ZNF804B: variants seen among roughly 807,000 people sequenced by gnomAD.
ZNF804B encodes zinc finger protein 804B.
Under a neutral mutation model 101.4 loss-of-function variants are expected in ZNF804B, and 80 were observed. That is an observed-to-expected ratio of 0.79 (90% CI 0.66 to 0.95). ZNF804B has a LOEUF of 0.95. ZNF804B is among the 40% of genes least tolerant of loss of function. The pLI is 0.00. For synonymous variants in ZNF804B, 622 were observed against 558.8 expected (o/e 1.11, Z -1.59); for missense variants, 1,673 against 1,561.9 (o/e 1.07, Z -1.20).
At chr7:88,986,891 GTTGTT>G (rs371907791) in intron 1 of ZNF804B, among the ~76,000 whole-genome samples, 115 of 152,134 alleles carry the variant, frequency 7.6e-4, no homozygotes, top group Admixed American at 1.2e-3. Context: ...GCCAAATAAA[GTTGTT>G]TTGTTTTGTT....
At chr7:89,198,437 A>G (rs1433016309) in intron 1 of ZNF804B, among the ~76,000 whole-genome samples, 1 of 151,906 alleles carries the variant, frequency 6.6e-6, no homozygotes, top group Non-Finnish European at 1.5e-5. Context: ...AAGACTACAT[A>G]TTTTCTTCTA....
chr7:89,105,428 C>T (rs1329039021), intron 1 of ZNF804B, among the ~76,000 whole-genome samples: 1 of 152,032 alleles, frequency 6.6e-6, no homozygotes. Context: ...GTTGTTGTTT[C>T]ATACCATGGG....
intron 1 of ZNF804B, among the ~76,000 whole-genome samples, chr7:89,166,609 A>C (rs1337866136): frequency 6.6e-6 from 1 of 152,160 alleles, no homozygotes; most frequent in Admixed American, 6.6e-5. Flanking sequence ...TTGTAATATC[A>C]TGACTTTTCT....
chr7:88,794,209 A>T (rs1166550861), intron 1 of ZNF804B: 3 of 1,612,008 alleles, frequency 1.9e-6, no homozygotes, highest in Non-Finnish European at 2.5e-6. Flanking sequence ...AGGCCATACC[A>T]CCTCAGAATC....
At chr7:89,250,971 C>T (rs1018624374) in intron 2 of ZNF804B, among the ~76,000 whole-genome samples, 2 of 152,110 alleles carry the variant, frequency 1.3e-5, no homozygotes, top group Admixed American at 6.5e-5. Flanking sequence ...ATGACAAACC[C>T]ATAGCCAACA....
intron 1 of ZNF804B, among the ~76,000 whole-genome samples, chr7:89,208,549 T>C (rs563759364): frequency 6.6e-6 from 1 of 152,336 alleles, no homozygotes; most frequent in East Asian, 1.9e-4. Context: ...AATAAAGCAG[T>C]AGCTGCTGTT....
chr7:89,038,539 A>G (rs537919729), intron 1 of ZNF804B, among the ~76,000 whole-genome samples: 1 of 152,064 alleles, frequency 6.6e-6, no homozygotes, highest in East Asian at 1.9e-4. Flanking sequence ...GGATTGTTTG[A>G]GTTCCGTATG....
At chr7:89,160,229 AT>A (rs1216099159) in intron 1 of ZNF804B, among the ~76,000 whole-genome samples, 4 of 152,108 alleles carry the variant, frequency 2.6e-5, no homozygotes, top group Non-Finnish European at 4.4e-5. Context: ...TTCACATGAT[AT>A]TTTTGTTTAC....
At chr7:89,024,405 A>G (rs778639919) in intron 1 of ZNF804B, among the ~76,000 whole-genome samples, 1 of 152,030 alleles carries the variant, frequency 6.6e-6, no homozygotes, top group Non-Finnish European at 1.5e-5. Context: ...TTTATATGTC[A>G]TGAAACATGC....
chr7:89,294,615 C>CTGTTCTGA (rs1436343704), intron 2 of ZNF804B, among the ~76,000 whole-genome samples: 1 of 151,916 alleles, frequency 6.6e-6, no homozygotes, highest in African/African-American at 2.4e-5. Flanking sequence ...TGCTTCCCTT[C>CTGTTCTGA]TGTTCTGATC....
intron 1 of ZNF804B, among the ~76,000 whole-genome samples, chr7:89,096,214 G>A (rs1408481676): frequency 6.6e-6 from 1 of 151,824 alleles, no homozygotes; most frequent in East Asian, 1.9e-4. Flanking sequence ...TCAATCTATG[G>A]TGTGACTAGA....
chr7:89,208,049 G>T (rs1788741099), intron 1 of ZNF804B, among the ~76,000 whole-genome samples: 1 of 150,372 alleles, frequency 6.7e-6, no homozygotes, highest in Non-Finnish European at 1.5e-5. Flanking sequence ...AAAGTTCATT[G>T]GTTTATGTGT....
intron 1 of ZNF804B, among the ~76,000 whole-genome samples, chr7:88,857,621 A>G (rs922233332): frequency 6.6e-6 from 1 of 152,052 alleles, no homozygotes; most frequent in Non-Finnish European, 1.5e-5. Context: ...GCAATAATTA[A>G]TAGCTTACCA....
chr7:88,775,016 G>A (rs1490986360), intron 1 of ZNF804B, among the ~76,000 whole-genome samples: 1 of 152,172 alleles, frequency 6.6e-6, no homozygotes, highest in African/African-American at 2.4e-5. Flanking sequence ...TACTGTTACA[G>A]GTACCGGTGA....
chr7:89,005,802 CT>C (rs1287998991), intron 1 of ZNF804B, among the ~76,000 whole-genome samples: 1 of 152,040 alleles, frequency 6.6e-6, no homozygotes, highest in African/African-American at 2.4e-5. Context: ...CATTGCAGAC[CT>C]TCCACACTCC....
chr7:89,193,690 G>A (rs544296062), intron 1 of ZNF804B, among the ~76,000 whole-genome samples: 16 of 151,910 alleles, frequency 1.1e-4, no homozygotes, highest in Middle Eastern at 3.4e-3. Flanking sequence ...TATGTGCCAC[G>A]TTTTCTTAAT....
intron 1 of ZNF804B, among the ~76,000 whole-genome samples, chr7:89,160,611 T>C (rs553120221): frequency 1.8e-4 from 28 of 152,276 alleles, no homozygotes; most frequent in African/African-American, 6.3e-4. Flanking sequence ...ATATTTCATG[T>C]GAATGAGCAG....
In ZNF804B at chr7:88,842,377, A is replaced by G. The variant is rs1278070244; in HGVS notation, c.108+82293A>G. Among the ~76,000 whole-genome samples, 5 of 152,160 alleles carry G rather than the reference A, an allele frequency of 3.3e-5. No individual in the cohort carries two copies. In the East Asian group the frequency reaches 7.7e-4, roughly 23 times the overall value. On this transcript the variant is annotated intron_variant, in intron 1 of 3. Transcript: ENST00000333190. ...TCTCCCATGAAGTGGAACACTGCCAACTCTGTTGGGAGAACATAAATCATA... is the reference window on the plus strand; with the variant it reads ...TCTCCCATGAAGTGGAACACTGCCAGCTCTGTTGGGAGAACATAAATCATA...
At chr7:89,073,939 C>G (rs964751217) in intron 1 of ZNF804B, among the ~76,000 whole-genome samples, 2 of 152,072 alleles carry the variant, frequency 1.3e-5, no homozygotes, top group African/African-American at 4.8e-5. Context: ...TTAGCAACAG[C>G]CCAGAGCTTG....
Sources: gnomAD v4.1 joint callset for allele counts (sites outside exome capture counted in the v4.1 genomes callset) on GRCh38, gnomAD v4.1.1 for gene constraint, MANE v1.5 for transcripts, NCBI Gene and HGNC (gene_info 2026-07-23, HGNC 2026-07-21) for gene names.